PLXNA2: variants seen among roughly 807,000 people sequenced by gnomAD.
The protein encoded by PLXNA2 is plexin A2.
Under a neutral mutation model 193.5 loss-of-function variants are expected in PLXNA2, and 91 were observed. The observed-to-expected ratio is 0.47, with a 90% CI of 0.40 to 0.56. The LOEUF (loss-of-function observed/expected upper bound fraction) is 0.56. PLXNA2 is among the 20% of genes least tolerant of loss of function. PLXNA2 has a pLI of 0.00. For synonymous variants in PLXNA2, 997 were observed against 1,027.3 expected, an observed-to-expected ratio of 0.97 and a Z score of 0.56; for missense variants, 1,995 against 2,503.2, an observed-to-expected ratio of 0.80 and a Z score of 4.33.
intron 13 of PLXNA2, among the ~76,000 whole-genome samples, chr1:208,059,628 C>T (rs909218600): frequency 6.6e-6 from 1 of 152,228 alleles, no homozygotes; most frequent in African/African-American, 2.4e-5. Context: ...GACTCAAGGT[C>T]TAATTCTGCC....
chr1:208,167,408 T>G (rs1329576001), intron 3 of PLXNA2, among the ~76,000 whole-genome samples: 1 of 152,220 alleles, frequency 6.6e-6, no homozygotes, highest in Non-Finnish European at 1.5e-5. Flanking sequence ...AGCCATAATA[T>G]GCTCAGTGCA....
chr1:208,054,206 T>G (rs1368406414), intron 14 of PLXNA2, among the ~76,000 whole-genome samples: 1 of 152,190 alleles, frequency 6.6e-6, no homozygotes, highest in Non-Finnish European at 1.5e-5. Flanking sequence ...CTCCCAAGAC[T>G]CCACAGCTTT....
intron 3 of PLXNA2, among the ~76,000 whole-genome samples, chr1:208,198,196 A>G (rs1572022865): frequency 6.6e-6 from 1 of 152,186 alleles, no homozygotes; most frequent in East Asian, 1.9e-4. Flanking sequence ...CCATCCCCCC[A>G]GCAGTGGTCG....
At chr1:208,109,125 G>T (rs1277432173) in intron 4 of PLXNA2, among the ~76,000 whole-genome samples, 5 of 152,228 alleles carry the variant, frequency 3.3e-5, no homozygotes, top group African/African-American at 1.2e-4. Flanking sequence ...CTTCTCAGTG[G>T]CTGGGAGCCA....
intron 12 of PLXNA2, among the ~76,000 whole-genome samples, chr1:208,074,104 C>A (rs980874778): frequency 6.6e-6 from 1 of 152,180 alleles, no homozygotes; most frequent in African/African-American, 2.4e-5. Context: ...ATCCCTTTAC[C>A]CTCCCTGAGT....
chr1:208,039,879 G>A lies in PLXNA2; in HGVS notation c.4354-112C>T, dbSNP rs748250018. The A allele has an allele frequency of 6.3e-4, 998 of 1,583,208 alleles. 4 individuals are homozygous for A. Among genetic ancestry groups the A allele is most frequent in the Admixed American group, 1.6e-3 (93 of 59,944 alleles). The stretch of plus-strand genomic sequence containing the variant: ...GGAAGGAAGGGCTTTAGCACAGCCA[G>A]TCCAGGTTCCTGCTCCCGAGGGAGG... On this transcript the variant is annotated intron_variant, in intron 23 of 31. Coordinates refer to ENST00000367033, the MANE Select transcript of PLXNA2 (RefSeq NM_025179.4).
chr1:208,073,477 T>A (rs917895662), intron 12 of PLXNA2, among the ~76,000 whole-genome samples: 1 of 152,162 alleles, frequency 6.6e-6, no homozygotes, highest in Non-Finnish European at 1.5e-5. Flanking sequence ...CACATATACA[T>A]GTGACAGACA....
chr1:208,082,359 T>C lies in PLXNA2; in HGVS notation c.2395+53A>G. 5.6e-6 allele frequency: 8 copies of C among 1,420,444 alleles called. No individual in the cohort carries two copies. The highest frequency in any genetic ancestry group is 2.4e-5 in the South Asian group (2 of 84,428). The allele number at this position is 1,420,444 out of a possible 1,614,324, so 88.0% of individuals were successfully genotyped here. ...CTGGCTCTGATCCCTCTAGCCCCAG[T>C]CTTTCCCGGGGTCGTGAAAAGATCA... On this transcript the variant is annotated intron_variant, in intron 11 of 31. Coordinates refer to ENST00000367033, the MANE Select transcript of PLXNA2 (RefSeq NM_025179.4). This position sits in a 1 kb window ranked among gnomAD's most constrained non-coding sequence, Gnocchi z 4.2.
chr1:208,177,084 T>G (rs1015764347), intron 3 of PLXNA2, among the ~76,000 whole-genome samples: 4 of 152,182 alleles, frequency 2.6e-5, no homozygotes, highest in Non-Finnish European at 5.9e-5. Flanking sequence ...CCAGACCTAT[T>G]CATTCTGCCT....
Position 208,038,398 on chromosome 1 carries a change from C to T in PLXNA2, c.4737G>A (p.Lys1579=), listed in dbSNP as rs1664743734. ...GATAATGCATCAGTGTGTTGAGCCG[C>T]TTCCAGTCACCCTCAATCTTGGTGG... The part of the protein sequence containing the change: ...DITTKIEGDW[K]RLNTLMHYQV... Residue 1579 remains lysine, a synonymous_variant, in exon 26 of 32, where the codon AAG becomes AAA. Transcript: ENST00000367033. The surrounding 1 kb of genome is among the most constrained non-coding windows in gnomAD (Gnocchi z 4.1). 1 of 1,613,892 alleles carries T rather than the reference C, an allele frequency of 6.2e-7. No individual in the cohort carries two copies. The highest frequency in any genetic ancestry group is 1.1e-5 in the South Asian group (1 of 91,064).
At chr1:208,066,771 CT>C (rs1397625208) in intron 12 of PLXNA2, among the ~76,000 whole-genome samples, 4 of 152,128 alleles carry the variant, frequency 2.6e-5, no homozygotes, top group Admixed American at 2.0e-4. Flanking sequence ...GCTATTGCCC[CT>C]GAAGACCTCA....
intron 3 of PLXNA2, among the ~76,000 whole-genome samples, chr1:208,152,292 C>A (rs1668790223): frequency 6.6e-6 from 1 of 151,950 alleles, no homozygotes; most frequent in African/African-American, 2.4e-5. Context: ...GTGGCATGTG[C>A]CCACCATGGT....
chr1:208,116,954 T>C (rs181724223), intron 4 of PLXNA2, among the ~76,000 whole-genome samples: 37 of 152,184 alleles, frequency 2.4e-4, no homozygotes, highest in Admixed American at 9.8e-4. Context: ...GCAGGATCAT[T>C]TGAGTTCAGG....
intron 3 of PLXNA2, among the ~76,000 whole-genome samples, chr1:208,161,714 G>A (rs1669111103): frequency 1.3e-5 from 2 of 152,054 alleles, no homozygotes; most frequent in Non-Finnish European, 2.9e-5. Flanking sequence ...GGGTGCTTTG[G>A]AGGGAGAAGT....
intron 4 of PLXNA2, among the ~76,000 whole-genome samples, chr1:208,108,641 G>A (rs138805957): frequency 3.3e-5 from 5 of 152,286 alleles, no homozygotes; most frequent in African/African-American, 9.6e-5. Flanking sequence ...GGATCATGCC[G>A]GAGGCCCATT....
intron 4 of PLXNA2, among the ~76,000 whole-genome samples, chr1:208,115,937 A>G (rs1250586069): frequency 2.0e-5 from 3 of 152,344 alleles, no homozygotes; most frequent in Non-Finnish European, 2.9e-5. Context: ...AACTCTGCCT[A>G]TCTCAGGAAG....
chr1:208,238,091 A>G (rs1671926339), intron 1 of PLXNA2, among the ~76,000 whole-genome samples: 1 of 152,214 alleles, frequency 6.6e-6, no homozygotes. Context: ...AAAGCCTGGG[A>G]GAACAACTCC....
At chr1:208,076,566 C>T (rs1475700136) in intron 12 of PLXNA2, among the ~76,000 whole-genome samples, 1 of 152,144 alleles carries the variant, frequency 6.6e-6, no homozygotes, top group Non-Finnish European at 1.5e-5. Context: ...ATTTTTGGTA[C>T]TTTTGCCACA....
chr1:208,031,547 C>A lies in PLXNA2; in HGVS notation c.5225+43G>T, dbSNP rs2102300154. On this transcript the variant is annotated intron_variant, in intron 29 of 31. Coordinates refer to ENST00000367033, the MANE Select transcript of PLXNA2 (RefSeq NM_025179.4). ...GGTCCTCATCCCTCTTAGCTCCAGG[C>A]CTCTCCAGGCTGCACCTCCTGCTGA... 1.9e-6 allele frequency: 3 copies of A among 1,609,656 alleles called. No individual in the cohort carries two copies. In the East Asian group the frequency reaches 6.7e-5, roughly 36 times the overall value.
Sources: gnomAD v4.1 joint callset for allele counts (sites outside exome capture counted in the v4.1 genomes callset) on GRCh38, gnomAD v4.1.1 for gene constraint, Gnocchi (gnomAD v3.1) non-coding constraint, MANE v1.5 for transcripts, NCBI Gene and HGNC (gene_info 2026-07-23, HGNC 2026-07-21) for gene names.